The following B3GALT5 variants were observed in gnomAD, a reference collection of about 807,000 sequenced individuals.
B3GALT5 encodes the protein beta-1,3-galactosyltransferase 5.
For missense variants in B3GALT5, 328 were observed against 396.6 expected, an observed-to-expected ratio of 0.83 and a Z score of 1.47; for synonymous variants, 156 against 158.6, an observed-to-expected ratio of 0.98 and a Z score of 0.12.
chr21:39,668,063 A>G lies in B3GALT5; in HGVS notation c.*6571A>G, dbSNP rs1412726784. Reference sequence around the variant, plus strand: ...GTGCAGGCTGAATGCATGGGCTGCTATCGCGATGTTGTATCTAATGGCCTG... The same window carrying G: ...GTGCAGGCTGAATGCATGGGCTGCTGTCGCGATGTTGTATCTAATGGCCTG... On this transcript the variant is annotated 3_prime_UTR_variant, in exon 4 of 4. Transcript: ENST00000684187. The G allele has an allele frequency of 6.6e-6, 1 of 152,388 alleles. No individual in the cohort carries two copies. The highest frequency in any genetic ancestry group is 1.9e-4 in the East Asian group (1 of 5,190). 9.4% of individuals were successfully genotyped at this position (152,388 alleles called of 1,614,324 possible). A position where few individuals can be genotyped will look rare whatever the true frequency, so the allele number is the denominator to read the frequency against.
At chr21:39,658,324 C>A (rs1044285007) in intron 2 of B3GALT5, among the ~76,000 whole-genome samples, 1 of 152,120 alleles carries the variant, frequency 6.6e-6, no homozygotes, top group Non-Finnish European at 1.5e-5. Flanking sequence ...ATGAGGTGAG[C>A]GCCCATCCCT....
At chr21:39,660,490 G>A in intron 3 of B3GALT5, 70 bp from the exon 4 acceptor site, 1 of 1,295,778 alleles carries the variant, frequency 7.7e-7, no homozygotes, top group African/African-American at 1.5e-5. Context: ...TCCCACCTCA[G>A]CCTCCTAGCA....
chr21:39,627,155 A>G (rs1034563136), intron 1 of B3GALT5, among the ~76,000 whole-genome samples: 2 of 152,122 alleles, frequency 1.3e-5, no homozygotes, highest in African/African-American at 2.4e-5. Context: ...CTGAGGTTGC[A>G]TTTTGGAAGT....
At chr21:39,657,045 G>A (rs1200853504) in intron 2 of B3GALT5, among the ~76,000 whole-genome samples, 1 of 152,038 alleles carries the variant, frequency 6.6e-6, no homozygotes, top group Non-Finnish European at 1.5e-5. Flanking sequence ...AGCAGGCAGA[G>A]GCAGAGGAGA....
intron 1 of B3GALT5, among the ~76,000 whole-genome samples, chr21:39,633,527 A>G (rs1481731299): frequency 6.6e-6 from 1 of 152,224 alleles, no homozygotes; most frequent in South Asian, 2.1e-4. Context: ...GGGCGATATT[A>G]TAATTTGCTT....
At chr21:39,643,737 AGGGGGGAGAGATG>A (rs2079311537) in intron 1 of B3GALT5, among the ~76,000 whole-genome samples, 1 of 152,146 alleles carries the variant, frequency 6.6e-6, no homozygotes, top group Non-Finnish European at 1.5e-5. Context: ...GTGCTTAAAG[AGGGGGGAGAGATG>A]CTCCTTGATG....
chr21:39,640,294 G>A (rs1288104323), intron 1 of B3GALT5, among the ~76,000 whole-genome samples: 2 of 152,048 alleles, frequency 1.3e-5, no homozygotes, highest in Admixed American at 1.3e-4. Flanking sequence ...TGATAAGCAG[G>A]GTCCCACCAG....
Position 39,662,288 on chromosome 21 carries a change from G to A in B3GALT5, c.*796G>A, listed in dbSNP as rs2837109. 0.36 allele frequency: 59,980 copies of A among 166,984 alleles called. 12,523 individuals are homozygous for A. Among genetic ancestry groups the A allele is most frequent in the Middle Eastern group, 0.51 (151 of 296 alleles). 10.3% of individuals were successfully genotyped at this position (166,984 alleles called of 1,614,324 possible). A position where few individuals can be genotyped will look rare whatever the true frequency, so the allele number is the denominator to read the frequency against. On this transcript the variant is annotated 3_prime_UTR_variant, in exon 4 of 4. Coordinates refer to ENST00000684187, the MANE Select transcript of B3GALT5 (RefSeq NM_001356336.2). The stretch of plus-strand genomic sequence containing the variant: ...TGCCCACACTGCTGACCTGCCTAGC[G>A]AGCAGGACATCCCTTCTGAGCCATC...
At chr21:39,623,211 C>T (rs1602256056) in intron 1 of B3GALT5, among the ~76,000 whole-genome samples, 1 of 50,762 alleles carries the variant, frequency 2.0e-5, no homozygotes, top group Non-Finnish European at 3.7e-5. Context: ...TCCTCCCTCC[C>T]TCCCTCCCTC....
In B3GALT5 at chr21:39,660,873, A is replaced by G; in HGVS notation, c.314A>G (p.Glu105Gly). Residue 105 changes from glutamate to glycine, a missense_variant, in exon 4 of 4, where the codon GAA becomes GGA. Transcript: ENST00000684187. Reference sequence around the variant, plus strand: ...CTGGGGACCACCAGCAGTGCAGCGGAAACGAAAGAGGTGGACCAGGAGAGC... The same window carrying G: ...CTGGGGACCACCAGCAGTGCAGCGGGAACGAAAGAGGTGGACCAGGAGAGC... ...FLLGTTSSAA[E>G]TKEVDQESQR... is the part of the protein sequence containing the mutation. 1 of 1,612,708 alleles carries G rather than the reference A, an allele frequency of 6.2e-7. No individual in the cohort carries two copies. Among genetic ancestry groups the G allele is most frequent in the South Asian group, 1.1e-5 (1 of 90,766 alleles).
At chr21:39,641,468 A>G (rs1602276410) in intron 1 of B3GALT5, among the ~76,000 whole-genome samples, 1 of 152,234 alleles carries the variant, frequency 6.6e-6, no homozygotes, top group Admixed American at 6.5e-5. Context: ...TAGATGAAAA[A>G]AAAGTTCTTA....
chr21:39,650,315 G>A (rs541805440), intron 2 of B3GALT5, among the ~76,000 whole-genome samples: 23 of 152,312 alleles, frequency 1.5e-4, no homozygotes, highest in African/African-American at 5.5e-4. Flanking sequence ...ACAGCTGCAG[G>A]TGACACGAGA....
intron 1 of B3GALT5, among the ~76,000 whole-genome samples, chr21:39,645,030 C>T (rs766964260): frequency 6.6e-6 from 1 of 152,216 alleles, no homozygotes; most frequent in Non-Finnish European, 1.5e-5. Flanking sequence ...GAGCATGAGC[C>T]CCAGGGAATG....
At chr21:39,653,251 G>T (rs1199400841) in intron 2 of B3GALT5, among the ~76,000 whole-genome samples, 1 of 152,094 alleles carries the variant, frequency 6.6e-6, no homozygotes, top group Admixed American at 6.5e-5. Flanking sequence ...TTAATACATC[G>T]CATGTCAATA....
chr21:39,647,134 C>T (rs2079348203), intron 2 of B3GALT5, among the ~76,000 whole-genome samples: 1 of 152,094 alleles, frequency 6.6e-6, no homozygotes, highest in African/African-American at 2.4e-5. Flanking sequence ...AAAAACTCCA[C>T]ACAGCTGAAA....
chr21:39,657,146 AGCCT>A (rs749130250), intron 2 of B3GALT5, among the ~76,000 whole-genome samples: 4 of 152,352 alleles, frequency 2.6e-5, no homozygotes, highest in Admixed American at 6.5e-5. Context: ...TACAGAGCAA[AGCCT>A]GGTGTGATGG....
chr21:39,655,344 A>G (rs1260187486), intron 2 of B3GALT5, among the ~76,000 whole-genome samples: 4 of 152,246 alleles, frequency 2.6e-5, no homozygotes, highest in East Asian at 3.8e-4. Flanking sequence ...AAGCTGGCAC[A>G]TAACATTCAC....
chr21:39,653,991 T>C (rs1052269816), intron 2 of B3GALT5, among the ~76,000 whole-genome samples: 1 of 152,238 alleles, frequency 6.6e-6, no homozygotes, highest in Non-Finnish European at 1.5e-5. Flanking sequence ...TCTAGATTGA[T>C]ACAATAATTT....
intron 2 of B3GALT5, among the ~76,000 whole-genome samples, chr21:39,652,008 G>A (rs1304170022): frequency 6.6e-6 from 1 of 152,126 alleles, no homozygotes; most frequent in Non-Finnish European, 1.5e-5. Flanking sequence ...TGTTTGTTGT[G>A]GGGGGTGCTT....
Sources: gnomAD v4.1 joint callset for allele counts (sites outside exome capture counted in the v4.1 genomes callset) on GRCh38, gnomAD v4.1.1 for gene constraint, MANE v1.5 for transcripts, NCBI Gene and HGNC (gene_info 2026-07-23, HGNC 2026-07-21) for gene names.